The following WNK3 variants were observed in gnomAD, a reference collection of about 807,000 sequenced individuals.
WNK3 encodes the protein serine/threonine-protein kinase WNK3.
Under a neutral mutation model 116.7 loss-of-function variants are expected in WNK3, and 18 were observed. The observed-to-expected ratio is 0.15, with a 90% CI of 0.11 to 0.23. WNK3 has a LOEUF of 0.23. Among genes scored for constraint, WNK3 ranks in the 10% least tolerant of loss-of-function variants. WNK3 has a pLI of 1.00. For synonymous variants in WNK3, 404 were observed against 469.4 expected, an observed-to-expected ratio of 0.86 and a Z score of 1.80; for missense variants, 993 against 1,323.8, an observed-to-expected ratio of 0.75 and a Z score of 3.88.
chrX:54,284,513 G>C (rs1557163481), intron 10 of WNK3, among the ~76,000 whole-genome samples: 1 of 110,413 alleles, frequency 9.1e-6, no homozygotes, highest in Non-Finnish European at 1.9e-5. Context: ...TATAATTCAA[G>C]AGAAATGAAA....
intron 12 of WNK3, among the ~76,000 whole-genome samples, chrX:54,254,849 A>G (rs1273689806): frequency 8.9e-6 from 1 of 111,900 alleles, no homozygotes; most frequent in East Asian, 2.8e-4. Flanking sequence ...AAAATTATAT[A>G]TAGGTTTAAG....
chrX:54,198,423 G>A (rs368876768), exon 24 of WNK3: 110 of 1,208,771 alleles, frequency 9.1e-5, no homozygotes, highest in Middle Eastern at 2.3e-4. Context: ...CAGATTGGGC[G>A]GGAATTACTA....
At chrX:54,300,909 AC>A (rs2068750651) in intron 6 of WNK3, among the ~76,000 whole-genome samples, 1 of 111,378 alleles carries the variant, frequency 9.0e-6, no homozygotes, top group African/African-American at 3.3e-5. Flanking sequence ...CAAAAGACAA[AC>A]CCACCAATTT....
intron 10 of WNK3, among the ~76,000 whole-genome samples, chrX:54,265,144 T>C (rs1189460525): frequency 1.8e-5 from 2 of 111,755 alleles, no homozygotes; most frequent in Admixed American, 9.6e-5. Flanking sequence ...AGTGTGCATC[T>C]CCTTGTCCTC....
At chrX:54,357,931 G>C (rs967513821) in exon 1 of WNK3, 2 of 112,594 alleles carry the variant, frequency 1.8e-5, no homozygotes, top group African/African-American at 3.2e-5. Context: ...GGCCAGCTAC[G>C]GCCGGTAGGT....
intron 13 of WNK3, 71 bp downstream of exon 13, chrX:54,253,888 A>C: frequency 1.4e-6 from 1 of 727,388 alleles, no homozygotes; most frequent in East Asian, 3.4e-5. Flanking sequence ...CTCAAAATAA[A>C]TGGAGACAGA....
rs1488228983 is a variant in WNK3 at position 54,344,735 on chromosome X, G to A, written c.-119-10943C>T. ...CGAGATGGGTGGAACACGAGGTCAG[G>A]AGATCAAGACCATCCTGGCTAACAC... On this transcript the variant is annotated intron_variant, in intron 1 of 23. Coordinates refer to ENST00000354646, the Ensembl canonical transcript of WNK3. Among the ~76,000 whole-genome samples the A allele has an allele frequency of 1.4e-4, 15 of 111,074 alleles. 1 individual carries two copies. The highest frequency in any genetic ancestry group is 7.6e-5 in the Non-Finnish European group (4 of 52,942).
intron 20 of WNK3, among the ~76,000 whole-genome samples, chrX:54,236,258 T>A (rs2067960338): frequency 9.2e-6 from 1 of 109,126 alleles, no homozygotes; most frequent in Non-Finnish European, 1.9e-5. Flanking sequence ...TACAGGCGTC[T>A]GCCACCACAC....
chrX:54,314,724 T>TTGCGCCACAC (rs1306001063), intron 2 of WNK3, among the ~76,000 whole-genome samples: 3 of 111,620 alleles, frequency 2.7e-5, no homozygotes, highest in South Asian at 3.8e-4. Flanking sequence ...TGAGCCATGT[T>TTGCGCCACAC]TGCGCCACAC....
intron 10 of WNK3, among the ~76,000 whole-genome samples, chrX:54,292,130 T>C (rs1307139007): frequency 5.4e-5 from 6 of 111,967 alleles, no homozygotes; most frequent in African/African-American, 1.9e-4. Context: ...TTATTTCTCC[T>C]ACAGAAATAA....
In WNK3 at chrX:54,318,409, T is replaced by C. The variant is rs141818047; in HGVS notation, c.538-7118A>G. 7.2e-3 allele frequency among the ~76,000 whole-genome samples: 790 copies of C among 109,463 alleles called. 10 individuals are homozygous for C. The highest frequency in any genetic ancestry group is 0.026 in the African/African-American group (772 of 30,129). On this transcript the variant is annotated intron_variant, in intron 2 of 23. Transcript: ENST00000354646. ...GTAACTCTTGTTATATATTAGACAT[T>C]TTGCCACAATAAAAAATATTTTTTA... is the stretch of plus-strand genomic sequence containing the variant.
At chrX:54,231,740 A>G (rs1557148953) in intron 21 of WNK3, among the ~76,000 whole-genome samples, 1 of 111,629 alleles carries the variant, frequency 9.0e-6, no homozygotes, top group East Asian at 2.8e-4. Context: ...CCTTTGCCAT[A>G]TATCCTACCA....
At chrX:54,271,148 C>G (rs1402258997) in intron 10 of WNK3, among the ~76,000 whole-genome samples, 1 of 111,304 alleles carries the variant, frequency 9.0e-6, no homozygotes, top group Non-Finnish European at 1.9e-5. Context: ...ATGCCATACC[C>G]AAAGAATTCT....
chrX:54,239,740 T>TCCC (rs2068002919), intron 17 of WNK3, among the ~76,000 whole-genome samples: 1 of 111,115 alleles, frequency 9.0e-6, no homozygotes, highest in African/African-American at 3.3e-5. Flanking sequence ...ATAAAATCAA[T>TCCC]CCCCTCTTCT....
chrX:54,294,561 G>C (rs1395067678), exon 8 of WNK3: 14 of 1,170,187 alleles, frequency 1.2e-5, no homozygotes, highest in Non-Finnish European at 1.6e-5. Flanking sequence ...ACCTGTAACA[G>C]AGGAGCAGTG....
chrX:54,225,559 T>C (rs2067825411), intron 22 of WNK3, among the ~76,000 whole-genome samples: 1 of 104,381 alleles, frequency 9.6e-6, no homozygotes, highest in African/African-American at 3.5e-5. Context: ...AGGCAGAGGT[T>C]GCAGTAAGTT....
intron 19 of WNK3, among the ~76,000 whole-genome samples, chrX:54,237,917 T>C (rs1006500523): frequency 5.4e-5 from 6 of 111,685 alleles, no homozygotes; most frequent in Non-Finnish European, 1.1e-4. Context: ...AAATTAAATA[T>C]GACAATGATC....
chrX:54,216,276 G>T (rs1557145290), intron 22 of WNK3, among the ~76,000 whole-genome samples: 1 of 100,032 alleles, frequency 1.0e-5, no homozygotes, highest in Non-Finnish European at 2.0e-5. Flanking sequence ...ACCCAAGAAT[G>T]ATCAATAAAT....
intron 22 of WNK3, among the ~76,000 whole-genome samples, chrX:54,227,113 T>C (rs1220339303): frequency 8.9e-6 from 1 of 111,966 alleles, no homozygotes; most frequent in Non-Finnish European, 1.9e-5. Context: ...AGATGATTAT[T>C]TGCAAAATCA....
Sources: allele counts gnomAD v4.1 joint callset (sites outside exome capture counted in the v4.1 genomes callset), GRCh38; gene constraint gnomAD v4.1.1; transcripts MANE v1.5; gene names NCBI Gene and HGNC (gene_info 2026-07-23, HGNC 2026-07-21).